The following GPBP1L1 variants were observed in gnomAD, a reference collection of about 807,000 sequenced individuals.
The protein encoded by GPBP1L1 is GC-rich promoter binding protein 1 like 1.
GPBP1L1 carries 23 observed loss-of-function variants against 52.5 expected under a neutral mutation model. The observed-to-expected ratio is 0.44, with a 90% CI of 0.32 to 0.62. The LOEUF (loss-of-function observed/expected upper bound fraction) is 0.62, where lower values mean the gene tolerates loss of function less well. GPBP1L1 is among the 20% of genes least tolerant of loss of function. GPBP1L1 has a pLI of 0.06. For missense variants in GPBP1L1, 596 were observed against 579.3 expected (o/e 1.03, Z -0.30); for synonymous variants, 243 against 203.1 (o/e 1.20, Z -1.67).
Position 45,672,323 on chromosome 1 carries a change from C to T in GPBP1L1, c.-1097-11098G>A, listed in dbSNP as rs112882359. On this transcript the variant is annotated intron_variant, in intron 2 of 12. Transcript: ENST00000355105. Reference sequence around the variant, plus strand: ...GTTGCAGTGAGCTGAGATTGTGCCACTGCATTCCAGCCCAGGCGACAAAAA... The same window carrying T: ...GTTGCAGTGAGCTGAGATTGTGCCATTGCATTCCAGCCCAGGCGACAAAAA... 5.1e-3 allele frequency among the ~76,000 whole-genome samples: 755 copies of T among 148,358 alleles called. 8 individuals carry two copies. The highest frequency in any genetic ancestry group is 0.018 in the African/African-American group (710 of 40,288).
intron 4 of GPBP1L1, chr1:45,656,091 T>C (rs1352992288): frequency 6.6e-6 from 1 of 152,188 alleles, no homozygotes; most frequent in Admixed American, 6.5e-5. Flanking sequence ...TTTACAGTTT[T>C]ATAAAACATT....
Position 45,682,110 on chromosome 1 carries a change from T to C in GPBP1L1, c.-1098+3466A>G, listed in dbSNP as rs139523853. Among the ~76,000 whole-genome samples, 462 of 152,292 alleles carry C rather than the reference T, an allele frequency of 3.0e-3. 4 individuals carry two copies. The highest frequency in any genetic ancestry group is 0.023 in the East Asian group (117 of 5,188). On this transcript the variant is annotated intron_variant, in intron 2 of 12. Transcript: ENST00000355105. ...TTCCTATTGCCCTTCCTGCCATACATGGTAAGACGAATTAAAAAGTAGAAA... is the reference window on the plus strand; with the variant it reads ...TTCCTATTGCCCTTCCTGCCATACACGGTAAGACGAATTAAAAAGTAGAAA...
chr1:45,683,452 G>A (rs1011404431), intron 2 of GPBP1L1, among the ~76,000 whole-genome samples: 13 of 151,078 alleles, frequency 8.6e-5, no homozygotes, highest in East Asian at 2.0e-4. Flanking sequence ...TGATCCGCCC[G>A]CCTCGGCCTC....
intron 6 of GPBP1L1, among the ~76,000 whole-genome samples, chr1:45,650,381 G>C (rs79672122): frequency 0.017 from 2,633 of 152,156 alleles, 68 homozygotes; most frequent in African/African-American, 0.06. Flanking sequence ...CTTAGTAACA[G>C]CTACCATTTA....
At chr1:45,671,320 G>A (rs186937953) in intron 2 of GPBP1L1, among the ~76,000 whole-genome samples, 2 of 146,478 alleles carry the variant, frequency 1.4e-5, no homozygotes, top group Admixed American at 7.0e-5. Flanking sequence ...AGCAAATCTC[G>A]TGCCTCACCT....
intron 4 of GPBP1L1, among the ~76,000 whole-genome samples, chr1:45,656,858 T>A (rs1569834837): frequency 6.6e-6 from 1 of 151,744 alleles, no homozygotes; most frequent in East Asian, 1.9e-4. Flanking sequence ...TTTTTTTAAA[T>A]TTTTCTTGTA....
Position 45,633,492 on chromosome 1 carries a change from T to C in GPBP1L1, c.1041A>G (p.Glu347=), listed in dbSNP as rs527981998. The change falls in exon 10 of 13, where the codon GAA becomes GAG. Residue 347 remains glutamate (E), a synonymous_variant. Transcript: ENST00000355105. The part of the protein sequence containing the change: ...FSENRDCDKL[E]DLEDNSTPEP... ...CAGAAAAGGCGGATGCTCTTACATC[T>C]TCCAGCTTGTCACAGTCTCTATTCT... 2 of 1,613,868 alleles carry C rather than the reference T, an allele frequency of 1.2e-6. No homozygotes were observed. Among genetic ancestry groups the C allele is most frequent in the Admixed American group, 1.7e-5 (1 of 59,922 alleles).
chr1:45,648,524 T>TTA (rs1484564057), intron 6 of GPBP1L1, among the ~76,000 whole-genome samples: 1 of 152,188 alleles, frequency 6.6e-6, no homozygotes, highest in Non-Finnish European at 1.5e-5. Flanking sequence ...TTAGCATTCT[T>TTA]TATGCTGTCA....
At chr1:45,657,677 C>T (rs1195141645) in intron 4 of GPBP1L1, among the ~76,000 whole-genome samples, 2 of 151,964 alleles carry the variant, frequency 1.3e-5, no homozygotes, top group Non-Finnish European at 2.9e-5. Flanking sequence ...ATGGTGAGAC[C>T]CTATCTCTAC....
intron 2 of GPBP1L1, among the ~76,000 whole-genome samples, chr1:45,681,876 C>G (rs1324606845): frequency 1.3e-5 from 2 of 152,226 alleles, no homozygotes; most frequent in Non-Finnish European, 2.9e-5. Context: ...TGCCATTTCT[C>G]TGTGTGCTAT....
rs1396279381 is a variant in GPBP1L1 at position 45,633,516 on chromosome 1, C to T, written c.1017G>A (p.Glu339=). 6.2e-7 allele frequency: 1 copy of T among 1,614,048 alleles called. No homozygotes were observed. The highest frequency in any genetic ancestry group is 1.7e-5 in the Admixed American group (1 of 60,016). ...LKDDRNGDFS[E]NRDCDKLEDL... ...CTTCCAGCTTGTCACAGTCTCTATTCTCTGAGAAGTCTCCATTCCGGTCAT... is the reference window on the plus strand; with the variant it reads ...CTTCCAGCTTGTCACAGTCTCTATTTTCTGAGAAGTCTCCATTCCGGTCAT... Residue 339 remains glutamate, a synonymous_variant, in exon 10 of 13, where the codon GAG becomes GAA. Transcript: ENST00000355105.
In GPBP1L1 at chr1:45,634,100, T is replaced by G; in HGVS notation, c.881A>C (p.Lys294Thr). Residue 294 changes from lysine to threonine, a missense_variant, in exon 9 of 13, where the codon AAA (lysine) becomes ACA (threonine). Coordinates refer to ENST00000355105, the MANE Select transcript of GPBP1L1 (RefSeq NM_021639.5). ...TCCTGCTTCATCCTCACTCACCTCT[T>G]TGGGAGAACTCAGAGCTGCACCACT... ...LASGAALSSP[K>T]ESPSSTTPPI... The G allele has an allele frequency of 6.2e-7, 1 of 1,606,500 alleles. No individual in the cohort carries two copies. The highest frequency in any genetic ancestry group is 8.5e-7 in the Non-Finnish European group (1 of 1,175,556).
intron 2 of GPBP1L1, among the ~76,000 whole-genome samples, chr1:45,669,964 C>T (rs1188488314): frequency 1.3e-5 from 2 of 152,224 alleles, no homozygotes; most frequent in East Asian, 3.8e-4. Flanking sequence ...ATCCCAAGCA[C>T]ACAGAACACT....
chr1:45,678,754 G>A (rs1241110138), intron 2 of GPBP1L1, among the ~76,000 whole-genome samples: 2 of 152,148 alleles, frequency 1.3e-5, no homozygotes, highest in East Asian at 3.8e-4. Context: ...TCAGATAATG[G>A]CTTGGATAGC....
rs754333390 is a variant in GPBP1L1 at position 45,654,738 on chromosome 1, A to G, written c.282T>C (p.Ser94=). The G allele has an allele frequency of 6.2e-7, 1 of 1,614,210 alleles. No homozygotes were observed. The highest frequency in any genetic ancestry group is 8.5e-7 in the Non-Finnish European group (1 of 1,180,042). The part of the protein sequence containing the change: ...GAYAGITGNP[S]GWHSSSRGHD... Reference sequence around the variant, plus strand: ...GACCTCGGGAAGAGCTATGCCAACCAGATGGGTTCCCTGTGATTCCAGCAT... The same window carrying G: ...GACCTCGGGAAGAGCTATGCCAACCGGATGGGTTCCCTGTGATTCCAGCAT... The change falls in exon 6 of 13, where the codon TCT becomes TCC. Residue 94 remains serine, a synonymous_variant. Transcript: ENST00000355105.
intron 2 of GPBP1L1, among the ~76,000 whole-genome samples, chr1:45,680,022 G>C (rs997333034): frequency 1.3e-5 from 2 of 152,038 alleles, no homozygotes; most frequent in Non-Finnish European, 2.9e-5. Flanking sequence ...CAAAGCTGCA[G>C]TGAGCTATGA....
chr1:45,639,683 T>A (rs1644644661), intron 8 of GPBP1L1, among the ~76,000 whole-genome samples: 2 of 151,342 alleles, frequency 1.3e-5, no homozygotes, highest in African/African-American at 4.9e-5. Flanking sequence ...GAGACCATCC[T>A]GGCTAACAAC....
chr1:45,670,749 T>C (rs984515954), intron 2 of GPBP1L1, among the ~76,000 whole-genome samples: 6 of 152,074 alleles, frequency 3.9e-5, no homozygotes, highest in South Asian at 2.1e-4. Context: ...TTATGTTCCA[T>C]TGGCTTATTT....
intron 2 of GPBP1L1, among the ~76,000 whole-genome samples, chr1:45,684,134 T>C (rs1429896706): frequency 6.6e-6 from 1 of 150,798 alleles, no homozygotes; most frequent in Non-Finnish European, 1.5e-5. Context: ...GGTGAGCCCC[T>C]GTAATACCAG....
Sources: gnomAD v4.1 joint callset for allele counts (sites outside exome capture counted in the v4.1 genomes callset) on GRCh38, gnomAD v4.1.1 for gene constraint, MANE v1.5 for transcripts, NCBI Gene and HGNC (gene_info 2026-07-23, HGNC 2026-07-21) for gene names.